The following LRSAM1 variants were observed in gnomAD, a reference collection of about 807,000 sequenced individuals.
LRSAM1 encodes the protein leucine rich repeat and sterile alpha motif containing 1.
LRSAM1 carries 96 observed loss-of-function variants against 118.1 expected under a neutral mutation model. The observed-to-expected ratio is 0.81, with a 90% CI of 0.69 to 0.96. LRSAM1 has a LOEUF of 0.96. Ranked by LOEUF, LRSAM1 falls within the 40% of genes least tolerant of loss-of-function variation. LRSAM1 has a pLI of 0.00. For missense variants in LRSAM1, 804 were observed against 915.5 expected (o/e 0.88, Z 1.57); for synonymous variants, 322 against 364.2 (o/e 0.88, Z 1.32).
intron 6 of LRSAM1, 66 bp downstream of exon 6, chr9:127,457,459 G>C: frequency 6.7e-7 from 1 of 1,487,388 alleles, no homozygotes; most frequent in Non-Finnish European, 9.3e-7. Flanking sequence ...CTGAGCGCCT[G>C]CTCCTTTTGG....
chr9:127,467,771 A>G lies in LRSAM1; in HGVS notation c.560A>G (p.Tyr187Cys), dbSNP rs1317906611. The G allele has an allele frequency of 6.2e-7, 1 of 1,609,422 alleles. No homozygotes were observed. Among genetic ancestry groups the G allele is most frequent in the East Asian group, 2.2e-5 (1 of 44,732 alleles). Residue 187 changes from tyrosine to cysteine, a missense_variant, in exon 10 of 26, where the codon TAC becomes TGC. Transcript: ENST00000300417. ...MLSLDASAMV[Y>C]PPREVCGAGT... ...AGCCTTGACGCCTCGGCCATGGTCT[A>G]CCCGCCGCGGGAGGTGTGTGGTGCC...
intron 11 of LRSAM1, among the ~76,000 whole-genome samples, chr9:127,475,447 C>T (rs1342154454): frequency 3.3e-5 from 5 of 152,002 alleles, no homozygotes; most frequent in South Asian, 4.2e-4. Context: ...GCTGAGATTG[C>T]GCCACTGCAC....
At chr9:127,487,253 C>G (rs928834566) in intron 17 of LRSAM1, among the ~76,000 whole-genome samples, 2 of 151,898 alleles carry the variant, frequency 1.3e-5, no homozygotes, top group Admixed American at 6.6e-5. Context: ...GGTTCTTGTG[C>G]CCAAGTCAAG....
chr9:127,473,889 T>C lies in LRSAM1; in HGVS notation c.708T>C (p.Asp236=). Residue 236 remains aspartate, a synonymous_variant, in exon 11 of 26, where the codon GAT becomes GAC. Transcript: ENST00000300417. ...TCGAGAACTCTCGGGACAGCCCTGA[T>C]GGGCCCACGGACAGATTCTCAAGGG... is the stretch of plus-strand genomic sequence containing the variant. ...DGIENSRDSP[D]GPTDRFSREE... 2 of 1,614,208 alleles carry C rather than the reference T, an allele frequency of 1.2e-6. No homozygotes were observed. The highest frequency in any genetic ancestry group is 1.7e-6 in the Non-Finnish European group (2 of 1,180,030).
intron 21 of LRSAM1, among the ~76,000 whole-genome samples, chr9:127,493,231 T>A (rs1836000138): frequency 6.6e-6 from 1 of 152,002 alleles, no homozygotes; most frequent in South Asian, 2.1e-4. Flanking sequence ...CTGGCAAATT[T>A]TTTTATTTTT....
intron 24 of LRSAM1, among the ~76,000 whole-genome samples, chr9:127,498,547 A>T (rs1444592650): frequency 6.6e-6 from 1 of 152,074 alleles, no homozygotes; most frequent in Non-Finnish European, 1.5e-5. Context: ...CCTGGAGCAA[A>T]CAAGCAGGTT....
At chr9:127,479,252 G>A (rs1307622706) in intron 12 of LRSAM1, 131 bp from the exon 13 acceptor site, 35 of 1,331,372 alleles carry the variant, frequency 2.6e-5, no homozygotes, top group Non-Finnish European at 3.3e-5. Flanking sequence ...GGCCCTGGAG[G>A]GGAGTGGGGG....
chr9:127,475,334 T>C (rs1231384351), intron 11 of LRSAM1, among the ~76,000 whole-genome samples: 1 of 151,888 alleles, frequency 6.6e-6, no homozygotes, highest in Admixed American at 6.6e-5. Context: ...CTACTGAAAA[T>C]GCAAAACTTA....
intron 24 of LRSAM1, among the ~76,000 whole-genome samples, chr9:127,500,495 G>A (rs913314759): frequency 1.3e-5 from 2 of 152,196 alleles, no homozygotes; most frequent in African/African-American, 4.8e-5. Context: ...CAGCCTTGCG[G>A]GGGGCCTCTC....
chr9:127,457,378 T>C lies in LRSAM1; in HGVS notation c.237T>C (p.Ser79=). Residue 79 remains serine, a synonymous_variant, in exon 6 of 26, where the codon AGT becomes AGC. Transcript: ENST00000300417. The stretch of plus-strand genomic sequence containing the variant: ...TTCCCAAATCCTGCAGCCTCCTGAG[T>C]CTGGCAACCATCAAGGTACTGGGCC... ...SLLPKSCSLL[S]LATIKVLDLH... 3 of 1,614,210 alleles carry C rather than the reference T, an allele frequency of 1.9e-6. No individual in the cohort carries two copies. The highest frequency in any genetic ancestry group is 2.5e-6 in the Non-Finnish European group (3 of 1,180,016).
intron 2 of LRSAM1, 69 bp from the exon 3 acceptor site, chr9:127,454,427 C>T (rs1170910899): frequency 6.9e-6 from 8 of 1,163,500 alleles, no homozygotes; most frequent in African/African-American, 3.0e-5. Flanking sequence ...TGTGTTACTG[C>T]ACTACCTGTC....
chr9:127,453,084 T>C (rs945156188), intron 2 of LRSAM1, among the ~76,000 whole-genome samples: 1 of 152,118 alleles, frequency 6.6e-6, no homozygotes, highest in African/African-American at 2.4e-5. Flanking sequence ...TATTTATTTA[T>C]TTATTATTAT....
intron 6 of LRSAM1, among the ~76,000 whole-genome samples, chr9:127,458,710 A>G (rs931618205): frequency 7.9e-5 from 12 of 152,384 alleles, no homozygotes; most frequent in African/African-American, 2.2e-4. Context: ...AAAGTCTTAC[A>G]TATTTATACA....
In LRSAM1 at chr9:127,451,576, T is replaced by G; in HGVS notation, c.-282T>G. 2 of 551,892 alleles carry G rather than the reference T, an allele frequency of 3.6e-6. No individual in the cohort carries two copies. Among genetic ancestry groups the G allele is most frequent in the Non-Finnish European group, 3.3e-6 (1 of 306,176 alleles). The allele number at this position is 551,892 out of a possible 1,614,324, so 34.2% of individuals were successfully genotyped here. A position where few individuals can be genotyped will look rare whatever the true frequency, so the allele number is the denominator to read the frequency against. Reference sequence around the variant, plus strand: ...CACCGCGGTGCGCTGAAGCTAGAGATTCCGAAAGGGGGTTCGGGTAGTTCG... The same window carrying G: ...CACCGCGGTGCGCTGAAGCTAGAGAGTCCGAAAGGGGGTTCGGGTAGTTCG... On this transcript the variant is annotated 5_prime_UTR_variant, in exon 1 of 26. Transcript: ENST00000300417.
intron 16 of LRSAM1, among the ~76,000 whole-genome samples, chr9:127,484,810 CTT>C (rs1376461812): frequency 1.2e-4 from 16 of 135,164 alleles, no homozygotes; most frequent in Non-Finnish European, 1.2e-4. Context: ...TTCTTTTTTT[CTT>C]TTTTTTTTTT....
In LRSAM1 at chr9:127,459,134, G is replaced by T; in HGVS notation, c.321+63G>T. The T allele has an allele frequency of 3.3e-6, 5 of 1,521,170 alleles. No individual in the cohort carries two copies. In the South Asian group the frequency reaches 5.6e-5, roughly 17 times the overall value. The allele number at this position is 1,521,170 out of a possible 1,614,324, so 94.2% of individuals were successfully genotyped here. Reference sequence around the variant, plus strand: ...TTAGTGAGACCAGGCAGTCACTCAAGCCTGGAATGTTCTGGCCGGGCTCCA... The same window carrying T: ...TTAGTGAGACCAGGCAGTCACTCAATCCTGGAATGTTCTGGCCGGGCTCCA... On this transcript the variant is annotated intron_variant, in intron 7 of 25. Coordinates refer to ENST00000300417, the MANE Select transcript of LRSAM1 (RefSeq NM_001005373.4).
intron 10 of LRSAM1, among the ~76,000 whole-genome samples, chr9:127,471,899 G>T (rs1346474448): frequency 6.6e-6 from 1 of 150,784 alleles, no homozygotes; most frequent in Non-Finnish European, 1.5e-5. Flanking sequence ...TTGACCTAAG[G>T]TGATCCACCC....
intron 24 of LRSAM1, 83 bp from the exon 25 acceptor site, chr9:127,500,927 G>A: frequency 6.2e-7 from 1 of 1,602,166 alleles, no homozygotes; most frequent in South Asian, 1.1e-5. Context: ...TCACCATGGG[G>A]ATGGGCAGGG....
chr9:127,485,887 G>C (rs1239458875), intron 17 of LRSAM1, 52 bp downstream of exon 17: 2 of 1,566,838 alleles, frequency 1.3e-6, no homozygotes, highest in Non-Finnish European at 8.8e-7. Flanking sequence ...AGCTGGCTCA[G>C]GGCCCAAGAC....
Sources: gnomAD v4.1 joint callset for allele counts (sites outside exome capture counted in the v4.1 genomes callset) on GRCh38, gnomAD v4.1.1 for gene constraint, MANE v1.5 for transcripts, NCBI Gene and HGNC (gene_info 2026-07-23, HGNC 2026-07-21) for gene names.